Variants in CHRNE observed in about 807,000 individuals in gnomAD.
CHRNE encodes cholinergic receptor nicotinic epsilon subunit.
Under a neutral mutation model 56.5 loss-of-function variants are expected in CHRNE, and 58 were observed. The ratio of observed to expected loss-of-function variants is 1.03; its 90% CI spans 0.83 to 1.28. The LOEUF (loss-of-function observed/expected upper bound fraction) is 1.28. Among genes scored for constraint, CHRNE ranks in the 50% most tolerant of loss-of-function variants. CHRNE has a pLI of 0.00. For synonymous variants in CHRNE, 385 were observed against 297.9 expected (o/e 1.29, Z -3.01); for missense variants, 793 against 688.9 (o/e 1.15, Z -1.69).
chr17:4,902,045 G>T lies in CHRNE; in HGVS notation c.387C>A (p.Leu129=), dbSNP rs767908282. The change falls in exon 5 of 12, where the codon CTC becomes CTA. Residue 129 remains leucine, a synonymous_variant. Coordinates refer to ENST00000649488, the MANE Select transcript of CHRNE (RefSeq NM_000080.4). The surrounding 1 kb of genome is among the most constrained non-coding windows in gnomAD (Gnocchi z 4.0). ...QFGVAYDANV[L]VYEGGSVTWL... ...ACGTCACGGAGCCGCCCTCGTAGAC[G>T]AGCACGTTGGCGTCGTAGGCCACTC... 1.2e-6 allele frequency: 2 copies of T among 1,613,996 alleles called. No homozygotes were observed. Among genetic ancestry groups the T allele is most frequent in the Non-Finnish European group, 1.7e-6 (2 of 1,180,058 alleles).
upstream of CHRNE, among the ~76,000 whole-genome samples, chr17:4,903,270 G>A (rs369651915): frequency 1.8e-4 from 27 of 152,158 alleles, no homozygotes; most frequent in African/African-American, 3.9e-4. Context: ...CCCCTGCCCC[G>A]CCCCAGCCCA....
Position 4,899,215 on chromosome 17 carries a change from C to T in CHRNE, c.1202G>A (p.Arg401Gln), listed in dbSNP as rs367705187. ...SELVFEGQRH[R>Q]QGTWTAAFCQ... ...GTGCTCACCCGTCCAGGTCCCCTGC[C>T]GGTGCCTCTGCCCCTCAAACACGAG... Residue 401 changes from arginine to glutamine, a missense_variant, in exon 10 of 12, where the codon CGG (arginine) becomes CAG (glutamine). Arg to Gln is a conservative substitution (Grantham distance 43). Transcript: ENST00000649488. The T allele has an allele frequency of 9.3e-6, 15 of 1,605,898 alleles. No individual in the cohort carries two copies. Among genetic ancestry groups the T allele is most frequent in the South Asian group, 2.2e-5 (2 of 90,438 alleles).
chr17:4,907,997 A>AAACCCC (rs1286714755), upstream of CHRNE, among the ~76,000 whole-genome samples: 2 of 152,078 alleles, frequency 1.3e-5, no homozygotes, highest in African/African-American at 4.8e-5. Context: ...CAACATGGTG[A>AAACCCC]AACCCCGTCT....
At chr17:4,899,946 A>G (rs984343953) in intron 8 of CHRNE, 2 of 1,550,574 alleles carry the variant, frequency 1.3e-6, no homozygotes, top group African/African-American at 2.7e-5. Context: ...GTGGCCCTCC[A>G]GCCCCCGCTT....
chr17:4,901,748 C>T (rs1351566710), intron 5 of CHRNE, 123 bp from the exon 6 acceptor site: 2 of 1,252,684 alleles, frequency 1.6e-6, no homozygotes, highest in Non-Finnish European at 2.3e-6. Flanking sequence ...CACCCAAGCC[C>T]AGCCCGCACG....
chr17:4,900,316 G>GT, intron 8 of CHRNE: 1 of 1,545,428 alleles, frequency 6.5e-7, no homozygotes, highest in Non-Finnish European at 8.7e-7. Context: ...AGGGATCCGG[G>GT]TGCAGCGCTG....
At chr17:4,900,643 A>G in intron 8 of CHRNE, 150 bp downstream of exon 8, 1 of 1,461,218 alleles carries the variant, frequency 6.8e-7, no homozygotes, top group Non-Finnish European at 9.3e-7. Flanking sequence ...ACGGCGGACC[A>G]GGGACTCCAT....
At chr17:4,905,420 C>G (rs1970080028), upstream of CHRNE, among the ~76,000 whole-genome samples, 1 of 152,078 alleles carries the variant, frequency 6.6e-6, no homozygotes, top group South Asian at 2.1e-4. Context: ...AAAATATTAG[C>G]CAGGCATCAT....
At chr17:4,906,442 C>T (rs1970093375), upstream of CHRNE, among the ~76,000 whole-genome samples, 1 of 152,062 alleles carries the variant, frequency 6.6e-6, no homozygotes, top group Non-Finnish European at 1.5e-5. Context: ...TCTATCCTCC[C>T]CAGCAGGATT....
chr17:4,901,209 G>T lies in CHRNE; in HGVS notation c.602-19C>A. 4.4e-6 allele frequency: 7 copies of T among 1,597,082 alleles called. No homozygotes were observed. The highest frequency in any genetic ancestry group is 5.1e-6 in the Non-Finnish European group (6 of 1,176,326). On this transcript the variant is annotated intron_variant, in intron 6 of 11. Transcript: ENST00000649488. ...CCGTTCTCTGCGGGACGGGGGCACG[G>T]TCAGCTGGCTGTCAGAGCGGGGCGC...
chr17:4,904,737 C>T (rs911364273), upstream of CHRNE, among the ~76,000 whole-genome samples: 9 of 152,170 alleles, frequency 5.9e-5, no homozygotes, highest in East Asian at 3.8e-4. Context: ...AAAACACTTT[C>T]GGGTCCATCA....
intron 8 of CHRNE, chr17:4,900,377 G>A: frequency 3.9e-6 from 6 of 1,549,652 alleles, no homozygotes; most frequent in South Asian, 3.6e-5. Context: ...CTGGGGCTGC[G>A]GTGGGCGCCA....
At chr17:4,906,719 G>T (rs1180707507), upstream of CHRNE, among the ~76,000 whole-genome samples, 2 of 151,888 alleles carry the variant, frequency 1.3e-5, no homozygotes, top group Non-Finnish European at 2.9e-5. Context: ...AAAAACAGAT[G>T]AATGGTGAGC....
chr17:4,905,818 G>A (rs539736654), upstream of CHRNE, among the ~76,000 whole-genome samples: 5 of 150,404 alleles, frequency 3.3e-5, no homozygotes, highest in Non-Finnish European at 7.4e-5. Flanking sequence ...CCGAGATCGT[G>A]CCACTGCACT....
At chr17:4,899,772 A>AC (rs1470420536) in intron 8 of CHRNE, 190 bp from the exon 9 acceptor site, 5 of 1,550,714 alleles carry the variant, frequency 3.2e-6, no homozygotes, top group African/African-American at 1.4e-5. Context: ...CATGAAGGGG[A>AC]CCCCCAGCTC....
intron 6 of CHRNE, 54 bp downstream of exon 6, chr17:4,901,471 C>T: frequency 6.5e-7 from 1 of 1,539,926 alleles, no homozygotes; most frequent in Admixed American, 1.7e-5. Flanking sequence ...CGTGGAAGTC[C>T]CCTCTCTGGA....
Position 4,901,189 on chromosome 17 carries a change from C to G in CHRNE, c.603G>C (p.Glu201Asp). ...KIDIDTEAYT[E>D]NGEWAIDFCP... ...AGAAGTCGATGGCCCACTCGCCGTT[C>G]TCTGCGGGACGGGGGCACGGTCAGC... Residue 201 changes from glutamate to aspartate, a missense_variant and splice_region_variant, in exon 7 of 12, where the codon GAG (glutamate) becomes GAC (aspartate). Physicochemically the swap from Glu to Asp is conservative, Grantham distance 45. Coordinates refer to ENST00000649488, the MANE Select transcript of CHRNE (RefSeq NM_000080.4). The G allele has an allele frequency of 6.2e-7, 1 of 1,602,332 alleles. No individual in the cohort carries two copies. Among genetic ancestry groups the G allele is most frequent in the Admixed American group, 1.7e-5 (1 of 59,948 alleles).
chr17:4,905,762 G>A (rs187531966), upstream of CHRNE, among the ~76,000 whole-genome samples: 1 of 152,226 alleles, frequency 6.6e-6, no homozygotes, highest in African/African-American at 2.4e-5. Flanking sequence ...TCGGGAGGCT[G>A]AGGCAGGAGA....
At position 4,903,047 on chromosome 17, in the gene CHRNE, A is replaced by T; in HGVS notation, c.17T>A (p.Leu6His). ...AAGCCCCAAGAGGAGCAGGACCCCA[A>T]GCGGAGCCCTTGCCATCCTGCTGCG... MARAP[L>H]GVLLLLGLLG... is the part of the protein sequence containing the mutation. The change falls in exon 1 of 12, where the codon CTT becomes CAT. Residue 6 changes from leucine to histidine, a missense_variant. Coordinates refer to ENST00000649488, the MANE Select transcript of CHRNE (RefSeq NM_000080.4). 1 of 1,613,870 alleles carries T rather than the reference A, an allele frequency of 6.2e-7. No individual in the cohort carries two copies. Among genetic ancestry groups the T allele is most frequent in the Non-Finnish European group, 8.5e-7 (1 of 1,179,972 alleles).
Sources: gnomAD v4.1 joint callset for allele counts (sites outside exome capture counted in the v4.1 genomes callset) on GRCh38, gnomAD v4.1.1 for gene constraint, Gnocchi (gnomAD v3.1) non-coding constraint, MANE v1.5 for transcripts, NCBI Gene and HGNC (gene_info 2026-07-23, HGNC 2026-07-21) for gene names.